IGSF21: variants seen among roughly 807,000 people sequenced by gnomAD.
IGSF21 encodes the protein immunoglobulin superfamily member 21.
Under a neutral mutation model 46.8 loss-of-function variants are expected in IGSF21, and 28 were observed. The ratio of observed to expected loss-of-function variants is 0.60; its 90% confidence interval spans 0.44 to 0.82. The LOEUF is 0.82. IGSF21 is among the 40% of genes least tolerant of loss of function. IGSF21 has a pLI of 0.00. For synonymous variants in IGSF21, 284 were observed against 273.6 expected, an observed-to-expected ratio of 1.04 and a Z score of -0.38; for missense variants, 624 against 665.5, an observed-to-expected ratio of 0.94 and a Z score of 0.69.
chr1:18,251,049 C>T (rs2084836613), intron 2 of IGSF21, among the ~76,000 whole-genome samples: 1 of 152,026 alleles, frequency 6.6e-6, no homozygotes, highest in Admixed American at 6.6e-5. Context: ...GAGGGAAGAG[C>T]ATGCCAGGCA....
intron 1 of IGSF21, among the ~76,000 whole-genome samples, chr1:18,141,448 C>G (rs1434657311): frequency 6.6e-6 from 1 of 152,114 alleles, no homozygotes; most frequent in Non-Finnish European, 1.5e-5. Context: ...TGGCTGTCAT[C>G]AAGTTCTCAG....
chr1:18,361,812 C>G, intron 4 of IGSF21: 1 of 286,610 alleles, frequency 3.5e-6, no homozygotes, highest in Non-Finnish European at 6.6e-6. Flanking sequence ...AGAGTCCCCT[C>G]AACACACTGA....
rs1454340199 is a variant in IGSF21 at position 18,335,036 on chromosome 1, G to A, written c.424+26G>A. ...GTGAGTGCAGGGCCACTGGCCCCTG[G>A]TGTCTCAGTGAGGAGGACGAGTATG... On this transcript the variant is annotated intron_variant, in intron 4 of 9. Transcript: ENST00000251296. The surrounding 1 kb of genome is among the most constrained non-coding windows in gnomAD (Gnocchi z 4.8). The A allele has an allele frequency of 1.9e-6, 3 of 1,543,196 alleles. No homozygotes were observed. The highest frequency in any genetic ancestry group is 1.7e-5 in the Admixed American group (1 of 59,922).
chr1:18,178,041 T>C (rs2086819964), intron 1 of IGSF21, among the ~76,000 whole-genome samples: 1 of 152,064 alleles, frequency 6.6e-6, no homozygotes, highest in Admixed American at 6.5e-5. Context: ...GTAACAGATA[T>C]AACCTTGAAG....
chr1:18,351,790 C>T (rs141967737), intron 4 of IGSF21, among the ~76,000 whole-genome samples: 103 of 152,342 alleles, frequency 6.8e-4, no homozygotes, highest in African/African-American at 2.4e-3. Context: ...AAAACAGATT[C>T]ACGTTACACC....
At chr1:18,297,293 C>G (rs1261129285) in intron 3 of IGSF21, among the ~76,000 whole-genome samples, 1 of 152,174 alleles carries the variant, frequency 6.6e-6, no homozygotes, top group Non-Finnish European at 1.5e-5. Flanking sequence ...CAATGCAACA[C>G]TTGCTGCTGG....
At chr1:18,378,058 T>A (rs2086303592) in intron 9 of IGSF21, among the ~76,000 whole-genome samples, 198 bp from the exon 10 acceptor site, 1 of 152,140 alleles carries the variant, frequency 6.6e-6, no homozygotes, top group African/African-American at 2.4e-5. Flanking sequence ...CTCTAGGAAA[T>A]CTGACCGTAG....
At chr1:18,161,641 T>C (rs181199832) in intron 1 of IGSF21, among the ~76,000 whole-genome samples, 22 of 152,188 alleles carry the variant, frequency 1.4e-4, no homozygotes, top group African/African-American at 5.3e-4. Flanking sequence ...TGCCAGAGTT[T>C]TCAAAGGCGA....
At position 18,285,381 on chromosome 1, in the gene IGSF21, T is replaced by A. The variant is rs376807993; in HGVS notation, c.184-6485T>A. On this transcript the variant is annotated intron_variant, in intron 2 of 9. Transcript: ENST00000251296. ...AAAGCAACCTGGCCTGGCTGCAGCC[T>A]AGATTTGCTGGTTGGGGTCAGGGGG... 3.3e-5 allele frequency among the ~76,000 whole-genome samples: 5 copies of A among 152,134 alleles called. No individual in the cohort carries two copies. The East Asian group carries it at 9.7e-4, about 29-fold the overall frequency.
At chr1:18,237,510 C>T (rs2084684212) in intron 2 of IGSF21, among the ~76,000 whole-genome samples, 1 of 152,220 alleles carries the variant, frequency 6.6e-6, no homozygotes, top group South Asian at 2.1e-4. Flanking sequence ...CTGCTTCTGT[C>T]CCCCGTGGCG....
chr1:18,274,146 G>A (rs74056576), intron 2 of IGSF21, among the ~76,000 whole-genome samples: 2,858 of 152,240 alleles, frequency 0.019, 106 homozygotes, highest in African/African-American at 0.064. Flanking sequence ...GGAGATACAC[G>A]GTGTTGGGCA....
intron 5 of IGSF21, among the ~76,000 whole-genome samples, chr1:18,362,613 C>G (rs1418717172): frequency 6.6e-6 from 1 of 152,110 alleles, no homozygotes; most frequent in South Asian, 2.1e-4. Flanking sequence ...GCACTCCTGA[C>G]AGAGCTGGGT....
intron 4 of IGSF21, among the ~76,000 whole-genome samples, chr1:18,346,672 G>A (rs928557106): frequency 5.3e-5 from 8 of 152,186 alleles, no homozygotes; most frequent in Non-Finnish European, 1.0e-4. Context: ...GCCAGCGATC[G>A]CAGAAAATGG....
chr1:18,174,390 T>G (rs1295474823), intron 1 of IGSF21, among the ~76,000 whole-genome samples: 1 of 152,196 alleles, frequency 6.6e-6, no homozygotes, highest in Non-Finnish European at 1.5e-5. Flanking sequence ...TCATTACTAT[T>G]CTTCCCGCTG....
intron 1 of IGSF21, among the ~76,000 whole-genome samples, chr1:18,126,212 G>T (rs2086273386): frequency 2.2e-5 from 1 of 45,916 alleles, no homozygotes; most frequent in Admixed American, 1.6e-4. Context: ...CAAGCTGAGA[G>T]CTCGCTCGCT....
At chr1:18,326,752 G>A (rs1171001467) in intron 3 of IGSF21, among the ~76,000 whole-genome samples, 1 of 152,154 alleles carries the variant, frequency 6.6e-6, no homozygotes, top group African/African-American at 2.4e-5. Context: ...CCTCCTGTCT[G>A]GGTCTGGGCC....
intron 2 of IGSF21, among the ~76,000 whole-genome samples, chr1:18,252,284 C>G (rs1200226607): frequency 6.6e-6 from 1 of 151,986 alleles, no homozygotes; most frequent in African/African-American, 2.4e-5. Context: ...CTCCTGACCT[C>G]GCGATCCACC....
chr1:18,210,077 G>A (rs946319716), intron 1 of IGSF21, among the ~76,000 whole-genome samples: 6 of 152,166 alleles, frequency 3.9e-5, no homozygotes, highest in African/African-American at 1.4e-4. Context: ...AATAGCCTTC[G>A]GGTGACATCC....
At chr1:18,263,228 A>T (rs2084962259) in intron 2 of IGSF21, among the ~76,000 whole-genome samples, 2 of 152,136 alleles carry the variant, frequency 1.3e-5, no homozygotes, top group South Asian at 4.2e-4. Flanking sequence ...GGGGATTTGG[A>T]TGTAGGATGC....
Sources: allele counts gnomAD v4.1 joint callset (sites outside exome capture counted in the v4.1 genomes callset), GRCh38; gene constraint gnomAD v4.1.1; non-coding constraint Gnocchi (gnomAD v3.1); transcripts MANE v1.5; gene names NCBI Gene and HGNC (gene_info 2026-07-23, HGNC 2026-07-21).